DYNLRB1: variants seen among roughly 807,000 people sequenced by gnomAD.
DYNLRB1 encodes ROBL/LC7-like 1.
A neutral mutation model predicts 13.5 loss-of-function variants in DYNLRB1; 6 were observed. That is an observed-to-expected ratio of 0.44 (90% CI 0.24 to 0.88). The LOEUF (loss-of-function observed/expected upper bound fraction) is 0.88, where lower values mean the gene tolerates loss of function less well. Ranked by LOEUF, DYNLRB1 falls within the 40% of genes least tolerant of loss-of-function variation. The probability of loss-of-function intolerance (pLI) is 0.21; values close to 1 mark genes in which losing one functional copy is unlikely to be tolerated. For missense variants in DYNLRB1, 93 were observed against 127.2 expected (o/e 0.73, Z 1.29); for synonymous variants, 43 against 45.0 (o/e 0.96, Z 0.18).
At chr20:34,524,890 A>AT (rs1278313031) in intron 1 of DYNLRB1, among the ~76,000 whole-genome samples, 1 of 151,852 alleles carries the variant, frequency 6.6e-6, no homozygotes, top group African/African-American at 2.4e-5. Context: ...CGCCCGGCTA[A>AT]TTTTTTTTGT....
intron 1 of DYNLRB1, among the ~76,000 whole-genome samples, chr20:34,519,227 T>C: frequency 6.6e-6 from 1 of 152,290 alleles, no homozygotes; most frequent in East Asian, 1.9e-4. Flanking sequence ...TGTTAACAAT[T>C]TGAAGCAGTA....
At chr20:34,535,470 A>G in intron 3 of DYNLRB1, 1 of 785,860 alleles carries the variant, frequency 1.3e-6, no homozygotes, top group South Asian at 5.8e-5. Flanking sequence ...GGGTGAGGAG[A>G]TGCTCATTCT....
chr20:34,517,810 A>G lies in DYNLRB1; in HGVS notation c.3+1349A>G, dbSNP rs574048832. ...CGCCCAGCTAATTTTTTGTATTTTTAGTAGAGACGGGGTTTCACCGTGTTA... is the reference window on the plus strand; with the variant it reads ...CGCCCAGCTAATTTTTTGTATTTTTGGTAGAGACGGGGTTTCACCGTGTTA... On this transcript the variant is annotated intron_variant, in intron 1 of 3. Transcript: ENST00000357156. Among the ~76,000 whole-genome samples the G allele has an allele frequency of 2.4e-3, 372 of 151,932 alleles. 2 individuals are homozygous for G. Among genetic ancestry groups the G allele is most frequent in the South Asian group, 5.6e-3 (27 of 4,818 alleles).
chr20:34,516,785 T>G (rs1449545581), intron 1 of DYNLRB1: 2 of 1,550,220 alleles, frequency 1.3e-6, no homozygotes, highest in South Asian at 2.4e-5. Context: ...ATGGCAACCC[T>G]GGCAACGTTT....
chr20:34,529,188 C>T (rs1281280698), intron 2 of DYNLRB1, among the ~76,000 whole-genome samples: 5 of 152,268 alleles, frequency 3.3e-5, no homozygotes, highest in Middle Eastern at 6.8e-3. Flanking sequence ...GACATTATTG[C>T]GGCCACCTTT....
At chr20:34,536,167 G>A in intron 3 of DYNLRB1, 2 of 985,466 alleles carry the variant, frequency 2.0e-6, no homozygotes, top group South Asian at 4.7e-5. Flanking sequence ...GCTTCTGTGT[G>A]TAATGCCTGA....
intron 1 of DYNLRB1, among the ~76,000 whole-genome samples, chr20:34,522,845 T>C (rs1338880691): frequency 1.3e-5 from 2 of 152,216 alleles, no homozygotes; most frequent in Non-Finnish European, 2.9e-5. Context: ...AAACCTTAGC[T>C]CTTTTTCACA....
intron 1 of DYNLRB1, among the ~76,000 whole-genome samples, chr20:34,524,243 T>G (rs1190918535): frequency 6.6e-6 from 1 of 152,238 alleles, no homozygotes; most frequent in East Asian, 1.9e-4. Context: ...ACCTTTTGTT[T>G]TCATGTGATT....
chr20:34,529,298 G>C (rs1980512853), intron 2 of DYNLRB1, among the ~76,000 whole-genome samples: 1 of 152,240 alleles, frequency 6.6e-6, no homozygotes, highest in Non-Finnish European at 1.5e-5. Context: ...AATTTGTTCA[G>C]TGCTCTTAGA....
intron 2 of DYNLRB1, chr20:34,533,448 ACCCAAGCCTC>A: frequency 1.0e-6 from 1 of 985,262 alleles, no homozygotes. Context: ...TATAGCTGCT[ACCCAAGCCTC>A]CCTTGGGTGG....
intron 3 of DYNLRB1, among the ~76,000 whole-genome samples, chr20:34,538,046 G>A (rs985625312): frequency 7.2e-6 from 1 of 138,458 alleles, no homozygotes; most frequent in African/African-American, 2.7e-5. Context: ...GGAGTGCAGT[G>A]GTGCGATCAT....
intron 1 of DYNLRB1, among the ~76,000 whole-genome samples, chr20:34,523,702 A>G (rs1400307705): frequency 6.6e-6 from 1 of 152,148 alleles, no homozygotes; most frequent in Non-Finnish European, 1.5e-5. Context: ...TCCCTGCTGT[A>G]GCTGACATTT....
chr20:34,526,457 C>G, intron 2 of DYNLRB1, 114 bp downstream of exon 2: 1 of 734,064 alleles, frequency 1.4e-6, no homozygotes, highest in Non-Finnish European at 2.0e-6. Context: ...AATTTTAGGC[C>G]TTTTTAATTT....
At chr20:34,539,434 CT>C (rs1232319681) in intron 3 of DYNLRB1, among the ~76,000 whole-genome samples, 1 of 152,198 alleles carries the variant, frequency 6.6e-6, no homozygotes, top group African/African-American at 2.4e-5. Flanking sequence ...AATCCCAACA[CT>C]TTGGGAGGCT....
intron 1 of DYNLRB1, among the ~76,000 whole-genome samples, chr20:34,523,673 C>T (rs1424001150): frequency 6.6e-6 from 1 of 152,196 alleles, no homozygotes; most frequent in African/African-American, 2.4e-5. Flanking sequence ...CCCATCACCC[C>T]TGCATTCCAG....
At chr20:34,521,696 A>G (rs527686163) in intron 1 of DYNLRB1, among the ~76,000 whole-genome samples, 2 of 152,156 alleles carry the variant, frequency 1.3e-5, no homozygotes, top group African/African-American at 4.8e-5. Flanking sequence ...CCTTGTCTCC[A>G]TCATCCCATT....
intron 2 of DYNLRB1, chr20:34,530,454 C>T (rs1980622798): frequency 4.7e-6 from 1 of 211,304 alleles, no homozygotes; most frequent in African/African-American, 2.4e-5. Context: ...TAGTGCCTGG[C>T]ATGAAATGCC....
intron 3 of DYNLRB1, among the ~76,000 whole-genome samples, chr20:34,540,229 G>A (rs1416306148): frequency 6.6e-6 from 1 of 152,190 alleles, no homozygotes; most frequent in Non-Finnish European, 1.5e-5. Flanking sequence ...TGACAACCAT[G>A]GCCTTAGGCA....
chr20:34,524,654 C>T (rs1980034154), intron 1 of DYNLRB1, among the ~76,000 whole-genome samples: 1 of 152,098 alleles, frequency 6.6e-6, no homozygotes, highest in Non-Finnish European at 1.5e-5. Flanking sequence ...GCATTGTACT[C>T]TCACGTCCAC....
Sources: gnomAD v4.1 joint callset for allele counts (sites outside exome capture counted in the v4.1 genomes callset) on GRCh38, gnomAD v4.1.1 for gene constraint, MANE v1.5 for transcripts, NCBI Gene and HGNC (gene_info 2026-07-23, HGNC 2026-07-21) for gene names.